The following WFDC8 variants were observed in gnomAD, a reference collection of about 807,000 sequenced individuals.
WFDC8 encodes WAP four-disulfide core domain protein 8.
In WFDC8, 24 loss-of-function variants were observed where a neutral mutation model predicts 27.0. The observed-to-expected ratio is 0.89, with a 90% CI of 0.64 to 1.25. WFDC8 has a LOEUF of 1.25. Among genes scored for constraint, WFDC8 ranks in the 50% most tolerant of loss-of-function variants. WFDC8 has a pLI of 0.00. For synonymous variants in WFDC8, 106 were observed against 99.7 expected, an observed-to-expected ratio of 1.06 and a Z score of -0.38; for missense variants, 287 against 295.9, an observed-to-expected ratio of 0.97 and a Z score of 0.22.
chr20:45,561,166 C>T (rs1980453735), intron 2 of WFDC8, among the ~76,000 whole-genome samples: 1 of 152,174 alleles, frequency 6.6e-6, no homozygotes, highest in Non-Finnish European at 1.5e-5. Flanking sequence ...AAGCATACCT[C>T]ATGGGTTTCT....
intron 1 of WFDC8, chr20:45,568,178 T>A (rs1286871412): frequency 6.9e-6 from 2 of 289,922 alleles, no homozygotes; most frequent in Non-Finnish European, 1.4e-5. Flanking sequence ...CCACAGAAAA[T>A]TTGGAGTTGT....
At chr20:45,578,912 G>A (rs964353381) in intron 1 of WFDC8, among the ~76,000 whole-genome samples, 1 of 152,098 alleles carries the variant, frequency 6.6e-6, no homozygotes, top group Non-Finnish European at 1.5e-5. Flanking sequence ...TTCGAGACCA[G>A]CCTGGCCAAC....
At chr20:45,574,470 A>G (rs1305386164) in intron 1 of WFDC8, among the ~76,000 whole-genome samples, 1 of 152,016 alleles carries the variant, frequency 6.6e-6, no homozygotes, top group Non-Finnish European at 1.5e-5. Context: ...AAAAAAAAAG[A>G]TCAGCAAATT....
downstream of WFDC8, chr20:45,551,754 G>A: frequency 3.3e-6 from 1 of 305,492 alleles, no homozygotes; most frequent in Non-Finnish European, 6.0e-6. Context: ...TAAGGAACTA[G>A]ACAAGGATGG....
At chr20:45,555,924 G>A in intron 3 of WFDC8, 56 bp from the exon 4 acceptor site, 1 of 1,549,650 alleles carries the variant, frequency 6.5e-7, no homozygotes, top group East Asian at 2.3e-5. Context: ...AAAGAACAGG[G>A]TCAGTTCCCT....
chr20:45,558,066 C>T (rs796339516), intron 3 of WFDC8, among the ~76,000 whole-genome samples: 4 of 152,282 alleles, frequency 2.6e-5, no homozygotes, highest in African/African-American at 9.6e-5. Context: ...GTGACTTATG[C>T]TTCTCTACCA....
chr20:45,553,294 G>A lies in WFDC8; in HGVS notation c.446-18C>T. On this transcript the variant is annotated intron_variant, in intron 4 of 5. Transcript: ENST00000289953. ...ATCCTTAACTAAAATAAGAGCAGATGTGAGCTTCTTAAAACCCCACCCCCA... is the reference window on the plus strand; with the variant it reads ...ATCCTTAACTAAAATAAGAGCAGATATGAGCTTCTTAAAACCCCACCCCCA... 6.2e-7 allele frequency: 1 copy of A among 1,607,600 alleles called. No individual in the cohort carries two copies. The highest frequency in any genetic ancestry group is 8.5e-7 in the Non-Finnish European group (1 of 1,176,648).
chr20:45,572,776 T>C (rs1980914657), intron 1 of WFDC8, among the ~76,000 whole-genome samples: 1 of 152,106 alleles, frequency 6.6e-6, no homozygotes, highest in Non-Finnish European at 1.5e-5. Context: ...CCAGCTAATT[T>C]TTGTGGTTTT....
intron 3 of WFDC8, among the ~76,000 whole-genome samples, chr20:45,556,338 A>T (rs6032309): frequency 0.39 from 58,428 of 151,512 alleles, 11,837 homozygotes; most frequent in Non-Finnish European, 0.43. Context: ...TTGCTGTTTA[A>T]TTTATATTTA....
chr20:45,574,681 C>T (rs1385561253), intron 1 of WFDC8, among the ~76,000 whole-genome samples: 3 of 152,118 alleles, frequency 2.0e-5, no homozygotes, highest in Non-Finnish European at 4.4e-5. Flanking sequence ...CCCCATAATC[C>T]CAGCTACTTG....
At chr20:45,556,583 C>G (rs1488799497) in intron 3 of WFDC8, among the ~76,000 whole-genome samples, 1 of 152,102 alleles carries the variant, frequency 6.6e-6, no homozygotes. Context: ...CAATGACCAA[C>G]TGAGAGCAGT....
intron 4 of WFDC8, among the ~76,000 whole-genome samples, chr20:45,554,979 T>C (rs185993852): frequency 1.2e-4 from 18 of 152,270 alleles, no homozygotes; most frequent in Non-Finnish European, 1.9e-4. Context: ...CTGGTCACCA[T>C]CTCAATTGTT....
In WFDC8 at chr20:45,552,014, T is replaced by C. The variant is rs571509417; in HGVS notation, c.*12A>G. On this transcript the variant is annotated 3_prime_UTR_variant, in exon 6 of 6. Coordinates refer to ENST00000289953, the MANE Select transcript of WFDC8 (RefSeq NM_130896.3). ...ATTAATGATTTTGATGATAATATTT[T>C]CTACTTACTATTCAACGTCTGGGGT... 6.2e-7 allele frequency: 1 copy of C among 1,612,664 alleles called. No individual in the cohort carries two copies. Among genetic ancestry groups the C allele is most frequent in the East Asian group, 2.2e-5 (1 of 44,874 alleles).
At chr20:45,577,956 G>A (rs1021383206) in intron 1 of WFDC8, among the ~76,000 whole-genome samples, 2 of 149,664 alleles carry the variant, frequency 1.3e-5, no homozygotes, top group East Asian at 2.0e-4. Flanking sequence ...GCAGAGAGCC[G>A]AGATCACACC....
chr20:45,576,842 T>TA (rs1488202076), intron 1 of WFDC8, among the ~76,000 whole-genome samples: 1 of 151,596 alleles, frequency 6.6e-6, no homozygotes. Context: ...ATCTACATTG[T>TA]AAAAATCCAG....
intron 1 of WFDC8, among the ~76,000 whole-genome samples, chr20:45,567,347 T>C (rs1405072870): frequency 6.6e-6 from 1 of 152,180 alleles, no homozygotes; most frequent in Non-Finnish European, 1.5e-5. Flanking sequence ...ACCCACCATT[T>C]TCCAAGACCA....
At chr20:45,572,215 G>T (rs1005588420) in intron 1 of WFDC8, among the ~76,000 whole-genome samples, 5 of 151,972 alleles carry the variant, frequency 3.3e-5, no homozygotes, top group African/African-American at 1.2e-4. Flanking sequence ...GGCTAACGCA[G>T]TGAAACCCCG....
At chr20:45,556,196 G>C (rs974537283) in intron 3 of WFDC8, among the ~76,000 whole-genome samples, 1 of 152,196 alleles carries the variant, frequency 6.6e-6, no homozygotes, top group East Asian at 1.9e-4. Context: ...TGATGCAAAA[G>C]TAATTATGGT....
chr20:45,552,245 T>C, intron 5 of WFDC8, 80 bp from the exon 6 acceptor site: 1 of 1,545,374 alleles, frequency 6.5e-7, no homozygotes, highest in Non-Finnish European at 8.8e-7. Flanking sequence ...CTTGGGAATC[T>C]CAAACAAGGT....
Sources: gnomAD v4.1 joint callset for allele counts (sites outside exome capture counted in the v4.1 genomes callset) on GRCh38, gnomAD v4.1.1 for gene constraint, MANE v1.5 for transcripts, NCBI Gene and HGNC (gene_info 2026-07-23, HGNC 2026-07-21) for gene names.